The following LPIN2 variants were observed in gnomAD, a reference collection of about 807,000 sequenced individuals.
The protein encoded by LPIN2 is phosphatidate phosphatase LPIN2.
A neutral mutation model predicts 111.4 loss-of-function variants in LPIN2; 55 were observed. The observed-to-expected ratio is 0.49, with a 90% CI of 0.40 to 0.62. The LOEUF (loss-of-function observed/expected upper bound fraction) is 0.62. LPIN2 is among the 20% of genes least tolerant of loss of function. The pLI is 0.00. For missense variants in LPIN2, 992 were observed against 1,112.1 expected (o/e 0.89, Z 1.54); for synonymous variants, 425 against 414.0 (o/e 1.03, Z -0.32).
intron 1 of LPIN2, among the ~76,000 whole-genome samples, chr18:2,997,294 T>C (rs1333055637): frequency 6.6e-6 from 1 of 152,166 alleles, no homozygotes; most frequent in East Asian, 1.9e-4. Flanking sequence ...ATTTTTGTTT[T>C]TTGTTTTTTT....
intron 6 of LPIN2, among the ~76,000 whole-genome samples, 193 bp downstream of exon 6, chr18:2,939,287 T>G (rs983117902): frequency 2.6e-5 from 4 of 152,236 alleles, no homozygotes; most frequent in Non-Finnish European, 5.9e-5. Context: ...ACTACTGAAA[T>G]CCTTCGGTTG....
intron 1 of LPIN2, among the ~76,000 whole-genome samples, chr18:2,990,100 C>T (rs2078243324): frequency 6.6e-6 from 1 of 152,130 alleles, no homozygotes; most frequent in African/African-American, 2.4e-5. Context: ...ACGGATGGTG[C>T]TGACACAACT....
chr18:2,992,417 A>C (rs1023805686), intron 1 of LPIN2, among the ~76,000 whole-genome samples: 1 of 152,224 alleles, frequency 6.6e-6, no homozygotes, highest in African/African-American at 2.4e-5. Flanking sequence ...GGAAATGGAG[A>C]GTTATTGCTT....
intron 13 of LPIN2, 61 bp downstream of exon 13, chr18:2,926,661 GA>G: frequency 7.0e-7 from 1 of 1,434,414 alleles, no homozygotes; most frequent in Non-Finnish European, 9.7e-7. Flanking sequence ...AATCAACTTA[GA>G]AGTAATGGCC....
chr18:2,920,698 G>A (rs1279805068), intron 19 of LPIN2, 80 bp downstream of exon 19: 3 of 1,073,376 alleles, frequency 2.8e-6, no homozygotes, highest in Non-Finnish European at 4.3e-6. Flanking sequence ...AAGGATCAGG[G>A]GGAAAAGGAC....
rs773597485 is a variant in LPIN2, at chr18:2,924,474, G to A, written c.2011C>T (p.Arg671Cys). 14 of 1,613,890 alleles carry A rather than the reference G, an allele frequency of 8.7e-6. No homozygotes were observed. The highest frequency in any genetic ancestry group is 3.3e-5 in the Admixed American group (2 of 60,028). ...CACAGGTAAATGGTCCCTGCACAGC[G>A]ACAGGTGCCTTGATACTGGGTTGTA... ...SITTQYQGTC[R>C]CAGTIYLWNW... The change falls in exon 15 of 20, where the codon CGC becomes TGC. Residue 671 changes from arginine to cysteine, a missense_variant. Coordinates refer to ENST00000677752, the MANE Select transcript of LPIN2 (RefSeq NM_001375808.2).
chr18:2,926,927 C>G (rs2077141208), intron 12 of LPIN2, 122 bp from the exon 13 acceptor site: 1 of 765,058 alleles, frequency 1.3e-6, no homozygotes, highest in Admixed American at 2.0e-5. Context: ...TAAAAATGCT[C>G]AAAAACCAGA....
intron 1 of LPIN2, among the ~76,000 whole-genome samples, chr18:2,999,648 A>G (rs2078400795): frequency 6.6e-6 from 1 of 152,002 alleles, no homozygotes; most frequent in South Asian, 2.1e-4. Flanking sequence ...AGAGACAGAC[A>G]TGCACACAGA....
At chr18:2,929,261 G>A in intron 9 of LPIN2, 103 bp from the exon 10 acceptor site, 1 of 820,248 alleles carries the variant, frequency 1.2e-6, no homozygotes, top group South Asian at 1.5e-5. Context: ...AAAATCATCT[G>A]TCTAAAAAAA....
At chr18:2,993,244 A>C (rs1041975667) in intron 1 of LPIN2, among the ~76,000 whole-genome samples, 1 of 152,164 alleles carries the variant, frequency 6.6e-6, no homozygotes, top group African/African-American at 2.4e-5. Context: ...AAGGTAGGAG[A>C]AGAAAAATAG....
At chr18:2,965,342 C>T (rs963535581) in intron 1 of LPIN2, among the ~76,000 whole-genome samples, 2 of 152,184 alleles carry the variant, frequency 1.3e-5, no homozygotes, top group African/African-American at 2.4e-5. Context: ...TTCAAGATTT[C>T]GTTATTCACC....
chr18:2,925,384 C>A lies in LPIN2; in HGVS notation c.1794-16G>T. 1 of 1,613,990 alleles carries A rather than the reference C, an allele frequency of 6.2e-7. No individual in the cohort carries two copies. The highest frequency in any genetic ancestry group is 8.5e-7 in the Non-Finnish European group (1 of 1,179,954). On this transcript the variant is annotated splice_polypyrimidine_tract_variant and intron_variant, in intron 13 of 19. Coordinates refer to ENST00000677752, the MANE Select transcript of LPIN2 (RefSeq NM_001375808.2). This position sits in a 1 kb window ranked among gnomAD's most constrained non-coding sequence, Gnocchi z 4.1. ...CTCGGCCGGCCTGTTCAACATTAGC[C>A]CAGTTACGGAAGAGGCAGCAGGGCA...
intron 19 of LPIN2, 55 bp downstream of exon 19, chr18:2,920,723 C>T (rs2077040608): frequency 2.2e-6 from 3 of 1,338,748 alleles, no homozygotes; most frequent in Admixed American, 1.7e-5. Context: ...TCTGTCTGTC[C>T]CCAACTGTAC....
At position 2,918,293 on chromosome 18, in the gene LPIN2, C is replaced by CTCTT. The variant is rs1218480864; in HGVS notation, c.*1996_*1999dup. On this transcript the variant is annotated 3_prime_UTR_variant, in exon 20 of 20. Transcript: ENST00000677752. ...TCAAGAAAAAGAAACTAGTCAAAAACTCTTTAAAGGACAACCTAAAAAGGA... is the reference window on the plus strand; with the variant it reads ...TCAAGAAAAAGAAACTAGTCAAAAACTCTTTCTTTAAAGGACAACCTAAAAAGGA... 1 of 152,196 alleles carries CTCTT rather than the reference C, an allele frequency of 6.6e-6. No homozygotes were observed. The highest frequency in any genetic ancestry group is 2.4e-5 in the African/African-American group (1 of 41,448). 9.4% of individuals were successfully genotyped at this position (152,196 alleles called of 1,614,324 possible). A position where few individuals can be genotyped will look rare whatever the true frequency, so the allele number is the denominator to read the frequency against.
intron 1 of LPIN2, 54 bp from the exon 2 acceptor site, chr18:2,960,903 A>G (rs2077702365): frequency 7.0e-7 from 1 of 1,421,000 alleles, no homozygotes; most frequent in Admixed American, 1.9e-5. Context: ...TGATCTATTG[A>G]CAAAGAAATA....
At chr18:3,005,758 G>A (rs912495395) in intron 1 of LPIN2, among the ~76,000 whole-genome samples, 9 of 151,864 alleles carry the variant, frequency 5.9e-5, no homozygotes, top group Non-Finnish European at 1.2e-4. Context: ...AGGTGTGGTG[G>A]CCCAACTCAG....
At chr18:2,983,174 T>C (rs1446199565) in intron 1 of LPIN2, among the ~76,000 whole-genome samples, 1 of 152,198 alleles carries the variant, frequency 6.6e-6, no homozygotes, top group African/African-American at 2.4e-5. Flanking sequence ...AGAGTGATCT[T>C]ACATAAGCTA....
In LPIN2 at chr18:2,945,587, C is replaced by G. The variant is rs748343483; in HGVS notation, c.591-4875G>C. 667 of 1,521,746 alleles carry G rather than the reference C, an allele frequency of 4.4e-4. 2 individuals carry two copies. The highest frequency in any genetic ancestry group is 5.7e-4 in the Non-Finnish European group (625 of 1,098,006). The allele number at this position is 1,521,746 out of a possible 1,614,324, so 94.3% of individuals were successfully genotyped here. On this transcript the variant is annotated intron_variant, in intron 4 of 19. Transcript: ENST00000677752. ...TCTTTTTGTTTTTCCTGCTTTTTAG[C>G]TGCAGGCAGTTCAAGGCTTGCCCAC...
intron 5 of LPIN2, 86 bp from the exon 6 acceptor site, chr18:2,939,689 C>A (rs921882172): frequency 2.0e-6 from 3 of 1,466,632 alleles, no homozygotes; most frequent in Middle Eastern, 2.4e-4. Context: ...AGAAACAAAT[C>A]TGAATATCTT....
Sources: gnomAD v4.1 joint callset for allele counts (sites outside exome capture counted in the v4.1 genomes callset) on GRCh38, gnomAD v4.1.1 for gene constraint, Gnocchi (gnomAD v3.1) non-coding constraint, MANE v1.5 for transcripts, NCBI Gene and HGNC (gene_info 2026-07-23, HGNC 2026-07-21) for gene names.